Variants in GREM2 observed in about 807,000 individuals in gnomAD.
GREM2 encodes gremlin-2.
GREM2 carries 11 observed loss-of-function variants against 14.2 expected under a neutral mutation model. The observed-to-expected ratio is 0.78, with a 90% CI of 0.49 to 1.28. The LOEUF is 1.28. GREM2 is among the 50% of genes most tolerant of loss of function. The pLI, the probability that GREM2 is intolerant of heterozygous loss-of-function variation, is 0.00. For missense variants in GREM2, 210 were observed against 218.5 expected (o/e 0.96, Z 0.24); for synonymous variants, 98 against 97.6 (o/e 1.00, Z -0.02).
At chr1:240,545,670 C>T (rs1268868284) in intron 1 of GREM2, among the ~76,000 whole-genome samples, 1 of 152,130 alleles carries the variant, frequency 6.6e-6, no homozygotes, top group African/African-American at 2.4e-5. Context: ...AGCGTCAGAA[C>T]TGAATTGAGT....
intron 1 of GREM2, among the ~76,000 whole-genome samples, chr1:240,504,387 C>T (rs1677636461): frequency 6.6e-6 from 1 of 152,182 alleles, no homozygotes; most frequent in East Asian, 1.9e-4. Context: ...TACCCGTAGG[C>T]TTTCCAAGAG....
chr1:240,593,812 G>C (rs1382378307), intron 1 of GREM2, among the ~76,000 whole-genome samples: 2 of 151,934 alleles, frequency 1.3e-5, no homozygotes, highest in East Asian at 3.9e-4. Context: ...CGACCTTAGT[G>C]GCCAGACTTC....
At chr1:240,539,214 C>T (rs1678538067) in intron 1 of GREM2, among the ~76,000 whole-genome samples, 1 of 152,186 alleles carries the variant, frequency 6.6e-6, no homozygotes, top group African/African-American at 2.4e-5. Flanking sequence ...TATAAAAGCC[C>T]TACACATGCC....
chr1:240,563,065 G>A (rs1243904249), intron 1 of GREM2, among the ~76,000 whole-genome samples: 2 of 150,132 alleles, frequency 1.3e-5, no homozygotes, highest in African/African-American at 2.4e-5. Context: ...TAGTGAGTGT[G>A]TATGTGTGTA....
At chr1:240,494,089 T>G (rs761387180) in intron 1 of GREM2, among the ~76,000 whole-genome samples, 3 of 152,280 alleles carry the variant, frequency 2.0e-5, no homozygotes, top group Non-Finnish European at 4.4e-5. Flanking sequence ...CAAGCCAGTT[T>G]GCAGAAGTAC....
intron 1 of GREM2, among the ~76,000 whole-genome samples, chr1:240,502,724 T>C (rs1388426411): frequency 1.3e-5 from 2 of 152,212 alleles, no homozygotes; most frequent in Non-Finnish European, 2.9e-5. Context: ...AAAGTTGAAT[T>C]TGAACAGACT....
intron 1 of GREM2, 83 bp from the exon 2 acceptor site, chr1:240,493,559 G>A: frequency 7.1e-7 from 1 of 1,410,776 alleles, no homozygotes; most frequent in Non-Finnish European, 9.4e-7. Context: ...TTTTATTTTA[G>A]ACATGGTCTG....
chr1:240,498,560 T>A (rs574544766), intron 1 of GREM2, among the ~76,000 whole-genome samples: 232 of 152,176 alleles, frequency 1.5e-3, no homozygotes, highest in Middle Eastern at 0.014. Context: ...CTGTGCAGAG[T>A]TCACCAGGGG....
At chr1:240,501,227 A>T (rs1421359432) in intron 1 of GREM2, among the ~76,000 whole-genome samples, 1 of 152,218 alleles carries the variant, frequency 6.6e-6, no homozygotes, top group Non-Finnish European at 1.5e-5. Context: ...CTGAACTGTC[A>T]TGGAAATAAT....
intron 1 of GREM2, among the ~76,000 whole-genome samples, chr1:240,564,810 T>G (rs1428930178): frequency 6.6e-6 from 1 of 152,212 alleles, no homozygotes; most frequent in Non-Finnish European, 1.5e-5. Flanking sequence ...TTGCATCAGG[T>G]GGCACTGGTG....
intron 1 of GREM2, among the ~76,000 whole-genome samples, chr1:240,577,973 T>C (rs568456624): frequency 1.3e-5 from 2 of 152,296 alleles, no homozygotes; most frequent in East Asian, 3.9e-4. Flanking sequence ...CTTGTAGATA[T>C]GTAGCAATAA....
intron 1 of GREM2, among the ~76,000 whole-genome samples, chr1:240,596,005 T>C (rs1198885519): frequency 6.6e-5 from 10 of 152,192 alleles, no homozygotes; most frequent in Non-Finnish European, 1.5e-4. Context: ...AAGATTTACC[T>C]GAGTGCTTGG....
At chr1:240,591,248 C>A (rs917316828) in intron 1 of GREM2, among the ~76,000 whole-genome samples, 3 of 152,192 alleles carry the variant, frequency 2.0e-5, no homozygotes, top group Non-Finnish European at 4.4e-5. Context: ...GTCATTGGCT[C>A]CATGAAGGCA....
chr1:240,602,643 C>T (rs1029169909), intron 1 of GREM2, among the ~76,000 whole-genome samples: 5 of 151,364 alleles, frequency 3.3e-5, no homozygotes, highest in East Asian at 1.9e-4. Flanking sequence ...ATGGTGAAAC[C>T]GCGTCTCTAA....
chr1:240,606,014 G>GA (rs1198411324), intron 1 of GREM2, among the ~76,000 whole-genome samples: 6 of 151,254 alleles, frequency 4.0e-5, no homozygotes, highest in African/African-American at 1.2e-4. Flanking sequence ...AAGACAAAAA[G>GA]AAAAAAAACA....
At chr1:240,604,819 C>T (rs984656558) in intron 1 of GREM2, among the ~76,000 whole-genome samples, 3 of 152,184 alleles carry the variant, frequency 2.0e-5, no homozygotes, top group Non-Finnish European at 2.9e-5. Context: ...AGAGGTTCCT[C>T]TTCAAAGACT....
chr1:240,560,278 T>C (rs1679014479), intron 1 of GREM2, among the ~76,000 whole-genome samples: 1 of 152,158 alleles, frequency 6.6e-6, no homozygotes, highest in Non-Finnish European at 1.5e-5. Context: ...TGCAGTTGGG[T>C]GATACTGCCG....
intron 1 of GREM2, among the ~76,000 whole-genome samples, chr1:240,521,087 T>C (rs1354140320): frequency 2.0e-5 from 3 of 152,174 alleles, no homozygotes; most frequent in Non-Finnish European, 2.9e-5. Context: ...AATCTGATTT[T>C]GATGCCATTA....
intron 1 of GREM2, among the ~76,000 whole-genome samples, chr1:240,537,940 C>T (rs1333821632): frequency 1.3e-5 from 2 of 152,232 alleles, no homozygotes; most frequent in Non-Finnish European, 2.9e-5. Context: ...TAGAACCTTG[C>T]TTCAGATCTT....
Sources: allele counts gnomAD v4.1 joint callset (sites outside exome capture counted in the v4.1 genomes callset), GRCh38; gene constraint gnomAD v4.1.1; transcripts MANE v1.5; gene names NCBI Gene and HGNC (gene_info 2026-07-23, HGNC 2026-07-21).